The following EPB41 variants were observed in gnomAD, a reference collection of about 807,000 sequenced individuals.
EPB41 encodes the protein erythrocyte membrane protein band 4.1.
A neutral mutation model predicts 108.0 loss-of-function variants in EPB41; 65 were observed. The observed-to-expected ratio is 0.60, with a 90% CI of 0.49 to 0.74. The LOEUF (loss-of-function observed/expected upper bound fraction) is 0.74, where lower values mean the gene tolerates loss of function less well. EPB41 is among the 30% of genes least tolerant of loss of function. The pLI is 0.00. For missense variants in EPB41, 875 were observed against 1,037.0 expected (o/e 0.84, Z 2.15); for synonymous variants, 336 against 358.9 (o/e 0.94, Z 0.72).
intron 16 of EPB41, chr1:29,070,629 T>A: frequency 8.1e-7 from 1 of 1,232,076 alleles, no homozygotes; most frequent in Non-Finnish European, 1.0e-6. Context: ...GAAAACAGGG[T>A]GCTCATCTGA....
intron 8 of EPB41, 113 bp from the exon 9 acceptor site, chr1:29,032,980 C>A: frequency 9.5e-7 from 1 of 1,049,454 alleles, no homozygotes; most frequent in Non-Finnish European, 1.4e-6. Flanking sequence ...CTTTATTTTT[C>A]ATTGTATGTT....
chr1:29,061,267 A>AT (rs1239492441), intron 15 of EPB41, among the ~76,000 whole-genome samples: 6 of 151,724 alleles, frequency 4.0e-5, no homozygotes, highest in Admixed American at 1.3e-4. Context: ...TAAAATTTTT[A>AT]TTTTATTTTA....
chr1:28,935,203 G>GA (rs2093943916), intron 1 of EPB41, among the ~76,000 whole-genome samples: 1 of 152,004 alleles, frequency 6.6e-6, no homozygotes, highest in African/African-American at 2.4e-5. Flanking sequence ...GGATGAGGCA[G>GA]GCTGATCACC....
intron 9 of EPB41, among the ~76,000 whole-genome samples, chr1:29,034,784 G>C (rs1172294178): frequency 6.6e-6 from 1 of 152,024 alleles, no homozygotes; most frequent in African/African-American, 2.4e-5. Context: ...AAGTTCAAGA[G>C]ATCTATTGTA....
chr1:29,016,217 C>T (rs1266792431), intron 6 of EPB41, among the ~76,000 whole-genome samples: 1 of 152,090 alleles, frequency 6.6e-6, no homozygotes, highest in Non-Finnish European at 1.5e-5. Context: ...CTCTTGTCGC[C>T]CAGTCTGGAG....
chr1:29,043,901 C>G (rs1254279332), intron 11 of EPB41, among the ~76,000 whole-genome samples: 1 of 152,126 alleles, frequency 6.6e-6, no homozygotes, highest in Non-Finnish European at 1.5e-5. Context: ...ATAGGGCTGA[C>G]TGAATTGCTG....
rs1051585086 is a variant in EPB41, at chr1:28,901,824, G to A, written c.-8+14614G>A. 6.6e-5 allele frequency among the ~76,000 whole-genome samples: 10 copies of A among 152,202 alleles called. No individual in the cohort carries two copies. In the South Asian group the frequency reaches 1.2e-3, roughly 19 times the overall value. ...ACTAGAATTACAGGTGTGAGCCACC[G>A]CACCCGGCCTCCTGACTTCTTACTT... On this transcript the variant is annotated intron_variant, in intron 1 of 16. Transcript: ENST00000347529.
chr1:28,996,730 A>G (rs899582815), intron 3 of EPB41, among the ~76,000 whole-genome samples: 1 of 152,228 alleles, frequency 6.6e-6, no homozygotes, highest in Non-Finnish European at 1.5e-5. Flanking sequence ...TTTATAAATC[A>G]TATTTTCTGC....
intron 4 of EPB41, among the ~76,000 whole-genome samples, chr1:29,005,073 C>G (rs1277168795): frequency 5.9e-5 from 9 of 152,008 alleles, no homozygotes. Flanking sequence ...TCTTGCACTG[C>G]TATAAAGAAA....
At chr1:28,960,804 G>A (rs1018092329) in intron 1 of EPB41, among the ~76,000 whole-genome samples, 4 of 151,706 alleles carry the variant, frequency 2.6e-5, no homozygotes, top group African/African-American at 7.3e-5. Flanking sequence ...AGGCCGAGGC[G>A]GGTGGATCAC....
At position 29,053,252 on chromosome 1, in the gene EPB41, A is replaced by C; in HGVS notation, c.1785A>C (p.Glu595Asp). The C allele has an allele frequency of 6.2e-7, 1 of 1,614,210 alleles. No individual in the cohort carries two copies. Among genetic ancestry groups the C allele is most frequent in the Non-Finnish European group, 8.5e-7 (1 of 1,180,042 alleles). Residue 595 changes from glutamate to aspartate, a missense_variant, in exon 12 of 21, where the codon GAA (glutamate) becomes GAC (aspartate). Glu to Asp is a conservative substitution (Grantham distance 45). Around this residue, in one of 3 missense-constraint regions of EPB41, gnomAD observed 519 missense variants for 627.3 expected, o/e 0.83. Coordinates refer to ENST00000343067, the MANE Select transcript of EPB41 (RefSeq NM_001376013.1). Reference protein sequence around the residue: ...PKAQKETVKAEVKKEDEPPEQ... With the variant: ...PKAQKETVKADVKKEDEPPEQ... ...CACAGAAGGAAACAGTGAAGGCTGAAGTGAAAAAGGAAGACGAGCCACCTG... is the reference window on the plus strand; with the variant it reads ...CACAGAAGGAAACAGTGAAGGCTGACGTGAAAAAGGAAGACGAGCCACCTG...
At chr1:28,978,328 A>T (rs2095656703) in intron 1 of EPB41, among the ~76,000 whole-genome samples, 1 of 151,542 alleles carries the variant, frequency 6.6e-6, no homozygotes, top group Admixed American at 6.6e-5. Context: ...CCATAATCCG[A>T]AATGTTAAAA....
intron 1 of EPB41, among the ~76,000 whole-genome samples, chr1:28,900,290 CT>C (rs536156004): frequency 3.1e-3 from 389 of 125,942 alleles, no homozygotes; most frequent in Middle Eastern, 0.016. Context: ...ACTTCTTCTT[CT>C]TTTTTTTTTT....
rs2096074658 is a variant in EPB41 at position 28,993,557 on chromosome 1, A to G, written c.681+15A>G. On this transcript the variant is annotated intron_variant, in intron 3 of 20. Coordinates refer to ENST00000343067, the MANE Select transcript of EPB41 (RefSeq NM_001376013.1). ...GTGTTGTGGAGGTGAGTATGTTTTC[A>G]TTTCCAACAATCAGAACTCTTACAG... 2 of 1,612,330 alleles carry G rather than the reference A, an allele frequency of 1.2e-6. No homozygotes were observed. Among genetic ancestry groups the G allele is most frequent in the Admixed American group, 1.7e-5 (1 of 59,972 alleles).
At chr1:29,104,770 A>G (rs992181731) in intron 17 of EPB41, among the ~76,000 whole-genome samples, 1 of 151,826 alleles carries the variant, frequency 6.6e-6, no homozygotes, top group Admixed American at 6.6e-5. Context: ...TTCTTTTTTC[A>G]GTAGAAACAG....
chr1:29,048,743 A>G (rs1436390235), intron 11 of EPB41, among the ~76,000 whole-genome samples: 1 of 152,320 alleles, frequency 6.6e-6, no homozygotes, highest in South Asian at 2.1e-4. Context: ...AATAAAAGTT[A>G]ATAGTCAATA....
chr1:29,050,184 C>G (rs1408602706), intron 11 of EPB41, among the ~76,000 whole-genome samples: 1 of 152,234 alleles, frequency 6.6e-6, no homozygotes, highest in Non-Finnish European at 1.5e-5. Flanking sequence ...TGCCTCTGTT[C>G]CACGCAGCCT....
intron 1 of EPB41, among the ~76,000 whole-genome samples, chr1:28,935,026 C>T (rs577831307): frequency 2.0e-5 from 3 of 151,776 alleles, no homozygotes; most frequent in East Asian, 1.9e-4. Context: ...GAGGGAGGAT[C>T]GCTGGAGCTT....
intron 16 of EPB41, among the ~76,000 whole-genome samples, chr1:29,076,776 C>G (rs1654263083): frequency 6.6e-6 from 1 of 152,142 alleles, no homozygotes; most frequent in South Asian, 2.1e-4. Context: ...AGCACGGTGG[C>G]TCATGCCTGT....
Sources: gnomAD v4.1 joint callset for allele counts (sites outside exome capture counted in the v4.1 genomes callset) on GRCh38, gnomAD v4.1.1 for gene constraint, gnomAD v4.1.1 regional missense constraint, MANE v1.5 for transcripts, NCBI Gene and HGNC (gene_info 2026-07-23, HGNC 2026-07-21) for gene names.